SMOC2: variants seen among roughly 807,000 people sequenced by gnomAD.
SMOC2 encodes SPARC-related modular calcium-binding protein 2.
SMOC2 carries 39 observed loss-of-function variants against 61.4 expected under a neutral mutation model. That is an observed-to-expected ratio of 0.64 (90% CI 0.49 to 0.83). The LOEUF (loss-of-function observed/expected upper bound fraction) is 0.83, where lower values mean the gene tolerates loss of function less well. Among genes scored for constraint, SMOC2 ranks in the 40% least tolerant of loss-of-function variants. SMOC2 has a pLI of 0.00. For synonymous variants in SMOC2, 247 were observed against 239.9 expected (o/e 1.03, Z -0.27); for missense variants, 556 against 592.9 (o/e 0.94, Z 0.65).
At chr6:168,655,972 C>T (rs1787313276) in intron 11 of SMOC2, among the ~76,000 whole-genome samples, 1 of 152,098 alleles carries the variant, frequency 6.6e-6, no homozygotes, top group South Asian at 2.1e-4. Flanking sequence ...TGCTAGATCC[C>T]ACTGTACACG....
chr6:168,615,762 T>G (rs1216617559), intron 9 of SMOC2, among the ~76,000 whole-genome samples: 1 of 149,100 alleles, frequency 6.7e-6, no homozygotes, highest in Non-Finnish European at 1.5e-5. Flanking sequence ...TCTCTTCACA[T>G]CTACAGCCAG....
rs74623691 is a variant in SMOC2 at position 168,530,197 on chromosome 6, C to T, written c.463+2470C>T. 3.0e-4 allele frequency among the ~76,000 whole-genome samples: 46 copies of T among 152,202 alleles called. No individual in the cohort carries two copies. The East Asian group carries it at 7.4e-3, about 24-fold the overall frequency. Reference sequence around the variant, plus strand: ...TGTGTTTATGAATAATACATGCAAACGTAACTTGAGGCCAGCCACAGCGGA... The same window carrying T: ...TGTGTTTATGAATAATACATGCAAATGTAACTTGAGGCCAGCCACAGCGGA... On this transcript the variant is annotated intron_variant, in intron 4 of 12. Coordinates refer to ENST00000356284, the MANE Select transcript of SMOC2 (RefSeq NM_001166412.2).
intron 9 of SMOC2, among the ~76,000 whole-genome samples, chr6:168,638,913 G>A (rs1040960937): frequency 3.9e-5 from 6 of 152,196 alleles, no homozygotes; most frequent in African/African-American, 1.4e-4. Flanking sequence ...AAAATCTCCA[G>A]TGCCCAGCTG....
At chr6:168,532,469 C>T (rs1315031781) in intron 4 of SMOC2, among the ~76,000 whole-genome samples, 1 of 147,318 alleles carries the variant, frequency 6.8e-6, no homozygotes, top group African/African-American at 2.5e-5. Flanking sequence ...CCTAACATTG[C>T]TGGGGGCAGG....
At chr6:168,641,403 A>G (rs1419526123) in intron 9 of SMOC2, among the ~76,000 whole-genome samples, 1 of 152,176 alleles carries the variant, frequency 6.6e-6, no homozygotes, top group Non-Finnish European at 1.5e-5. Flanking sequence ...TTCATTCAAA[A>G]GCTCCTTGAG....
intron 8 of SMOC2, among the ~76,000 whole-genome samples, chr6:168,603,804 C>G (rs1186943694): frequency 1.3e-5 from 2 of 152,114 alleles, no homozygotes; most frequent in African/African-American, 4.8e-5. Flanking sequence ...ATGCCGACAT[C>G]AGAGTCAAGA....
chr6:168,598,177 C>T (rs1481098056), intron 7 of SMOC2, among the ~76,000 whole-genome samples: 1 of 152,094 alleles, frequency 6.6e-6, no homozygotes, highest in African/African-American at 2.4e-5. Flanking sequence ...CGATTTGGGG[C>T]TGAACAACTT....
intron 7 of SMOC2, among the ~76,000 whole-genome samples, chr6:168,578,319 C>A (rs1784852060): frequency 6.6e-6 from 1 of 152,184 alleles, no homozygotes. Context: ...TCCTAAGCCT[C>A]AGGAAGTCTT....
intron 6 of SMOC2, among the ~76,000 whole-genome samples, 162 bp from the exon 7 acceptor site, chr6:168,548,967 C>A (rs1050450944): frequency 6.6e-6 from 1 of 152,156 alleles, no homozygotes; most frequent in Admixed American, 6.5e-5. Context: ...GATTTCCTTT[C>A]GTCTGAGGCA....
At chr6:168,558,863 G>A (rs1562346803) in intron 7 of SMOC2, among the ~76,000 whole-genome samples, 2 of 108,170 alleles carry the variant, frequency 1.8e-5, no homozygotes, top group South Asian at 2.6e-4. Flanking sequence ...GTGTGCGCAT[G>A]TGTGTGCATG....
chr6:168,485,713 G>T (rs546733284), intron 1 of SMOC2, among the ~76,000 whole-genome samples: 127 of 152,096 alleles, frequency 8.3e-4, no homozygotes, highest in African/African-American at 3.0e-3. Context: ...ATGTTTTTTT[G>T]GGGGGGAGAT....
intron 9 of SMOC2, among the ~76,000 whole-genome samples, chr6:168,622,612 C>A (rs1786274496): frequency 6.6e-6 from 1 of 152,186 alleles, no homozygotes; most frequent in Admixed American, 6.5e-5. Flanking sequence ...TTAACTAACT[C>A]AGCAGAGGTG....
At chr6:168,583,334 A>G (rs1415052608) in intron 7 of SMOC2, among the ~76,000 whole-genome samples, 2 of 151,186 alleles carry the variant, frequency 1.3e-5, no homozygotes, top group African/African-American at 4.9e-5. Flanking sequence ...CAATGGGCTC[A>G]GCCCTGCCTT....
chr6:168,652,830 G>A, intron 10 of SMOC2, 124 bp from the exon 11 acceptor site: 1 of 792,456 alleles, frequency 1.3e-6, no homozygotes, highest in Non-Finnish European at 2.1e-6. Context: ...GACCAGTGCT[G>A]CAGGCTGAGA....
At chr6:168,461,019 G>T (rs1470355416) in intron 1 of SMOC2, among the ~76,000 whole-genome samples, 1 of 152,176 alleles carries the variant, frequency 6.6e-6, no homozygotes, top group Non-Finnish European at 1.5e-5. Flanking sequence ...TGGTTGAAAG[G>T]TGTATTAGTC....
At chr6:168,653,591 G>A (rs1261813934) in intron 11 of SMOC2, among the ~76,000 whole-genome samples, 1 of 150,942 alleles carries the variant, frequency 6.6e-6, no homozygotes, top group East Asian at 1.9e-4. Flanking sequence ...CCAACCAAAT[G>A]TTAGGAACTC....
chr6:168,526,555 C>T, intron 3 of SMOC2, 103 bp downstream of exon 3: 2 of 893,742 alleles, frequency 2.2e-6, no homozygotes, highest in East Asian at 2.6e-5. Flanking sequence ...ACAGAAGAAG[C>T]AGCGGGTTTG....
At chr6:168,512,496 A>G (rs759156727) in intron 2 of SMOC2, among the ~76,000 whole-genome samples, 1 of 152,242 alleles carries the variant, frequency 6.6e-6, no homozygotes, top group Non-Finnish European at 1.5e-5. Flanking sequence ...TAACCTCAAT[A>G]TGCTACTGAG....
chr6:168,666,587 A>T lies in SMOC2; in HGVS notation c.*149A>T, dbSNP rs1787668493. ...TTGTAGAAATGAGCTATTTAAACAG[A>T]CTGTTTTAATCTGTGAAAATGGAGA... On this transcript the variant is annotated 3_prime_UTR_variant, in exon 13 of 13. Coordinates refer to ENST00000356284, the MANE Select transcript of SMOC2 (RefSeq NM_001166412.2). 2 of 859,874 alleles carry T rather than the reference A, an allele frequency of 2.3e-6. No homozygotes were observed. Among genetic ancestry groups the T allele is most frequent in the African/African-American group, 1.7e-5 (1 of 58,674 alleles). The allele number at this position is 859,874 out of a possible 1,614,324, so 53.3% of individuals were successfully genotyped here.
Sources: allele counts gnomAD v4.1 joint callset (sites outside exome capture counted in the v4.1 genomes callset), GRCh38; gene constraint gnomAD v4.1.1; transcripts MANE v1.5; gene names NCBI Gene and HGNC (gene_info 2026-07-23, HGNC 2026-07-21).